DGKI: variants seen among roughly 807,000 people sequenced by gnomAD.
DGKI encodes the protein diacylglycerol kinase iota.
Under a neutral mutation model 147.5 loss-of-function variants are expected in DGKI, and 55 were observed. That is an observed-to-expected ratio of 0.37 (90% confidence interval 0.30 to 0.47). DGKI has a LOEUF of 0.47. DGKI is among the 20% of genes least tolerant of loss of function. The pLI is 1.00. For synonymous variants in DGKI, 469 were observed against 477.1 expected, an observed-to-expected ratio of 0.98 and a Z score of 0.22; for missense variants, 1,007 against 1,323.8, an observed-to-expected ratio of 0.76 and a Z score of 3.71.
intron 28 of DGKI, among the ~76,000 whole-genome samples, chr7:137,429,268 T>A (rs1812960489): frequency 6.6e-6 from 1 of 151,218 alleles, no homozygotes; most frequent in Non-Finnish European, 1.5e-5. Flanking sequence ...AACTATCTGA[T>A]CTTTGACAAA....
intron 6 of DGKI, among the ~76,000 whole-genome samples, chr7:137,640,226 T>A (rs1162469703): frequency 2.0e-5 from 3 of 151,992 alleles, no homozygotes; most frequent in African/African-American, 4.8e-5. Context: ...TGAAGTGAAA[T>A]AAGACACAGA....
At chr7:137,569,917 T>C (rs938414422) in intron 19 of DGKI, among the ~76,000 whole-genome samples, 6 of 152,004 alleles carry the variant, frequency 3.9e-5, no homozygotes, top group African/African-American at 1.4e-4. Flanking sequence ...CCCAGTCCAA[T>C]CTTTTCTACC....
chr7:137,818,450 G>A (rs1046460765), intron 1 of DGKI, among the ~76,000 whole-genome samples: 17 of 152,118 alleles, frequency 1.1e-4, no homozygotes, highest in Non-Finnish European at 1.6e-4. Context: ...TTCTTGAGAC[G>A]GAGTTTTGCT....
chr7:137,723,413 A>G (rs577288160), intron 1 of DGKI, among the ~76,000 whole-genome samples: 10 of 152,366 alleles, frequency 6.6e-5, no homozygotes, highest in Non-Finnish European at 1.5e-4. Flanking sequence ...ATAAAAAGCC[A>G]CGCAAATCAA....
chr7:137,778,977 G>A (rs1014813733), intron 1 of DGKI, among the ~76,000 whole-genome samples: 1 of 152,100 alleles, frequency 6.6e-6, no homozygotes, highest in Non-Finnish European at 1.5e-5. Flanking sequence ...ACTCCAGCAG[G>A]TCTTCTGAAA....
chr7:137,731,924 T>C (rs987962361), intron 1 of DGKI, among the ~76,000 whole-genome samples: 7 of 152,078 alleles, frequency 4.6e-5, no homozygotes, highest in African/African-American at 1.7e-4. Context: ...AGTAGGACCA[T>C]GTACCTTTAA....
At chr7:137,641,418 C>T (rs1171096355) in intron 6 of DGKI, among the ~76,000 whole-genome samples, 2 of 152,156 alleles carry the variant, frequency 1.3e-5, no homozygotes, top group East Asian at 1.9e-4. Context: ...TGCTTCAAAA[C>T]CCAAAACCTT....
At chr7:137,808,279 G>A (rs953296905) in intron 1 of DGKI, among the ~76,000 whole-genome samples, 1 of 152,188 alleles carries the variant, frequency 6.6e-6, no homozygotes, top group African/African-American at 2.4e-5. Context: ...ATAAATGAGA[G>A]ACTTATTAAT....
At chr7:137,833,870 G>C (rs1455679476) in intron 1 of DGKI, among the ~76,000 whole-genome samples, 4 of 152,136 alleles carry the variant, frequency 2.6e-5, no homozygotes, top group Non-Finnish European at 4.4e-5. Flanking sequence ...AGAGGACAGA[G>C]GTCATTCCTA....
intron 3 of DGKI, among the ~76,000 whole-genome samples, chr7:137,669,180 A>G (rs1047070347): frequency 5.3e-5 from 8 of 152,292 alleles, no homozygotes; most frequent in Non-Finnish European, 1.2e-4. Flanking sequence ...CCTTAAATGA[A>G]GGCATCAATG....
Position 137,558,189 on chromosome 7 carries a change from C to T in DGKI, c.1948-5621G>A, listed in dbSNP as rs139391029. ...AGTTTTTGACACAACATTTTACAAGCTATTTTACTGTCAGGAACATCTATC... is the reference window on the plus strand; with the variant it reads ...AGTTTTTGACACAACATTTTACAAGTTATTTTACTGTCAGGAACATCTATC... On this transcript the variant is annotated intron_variant, in intron 19 of 32. Transcript: ENST00000614521. Among the ~76,000 whole-genome samples the T allele has an allele frequency of 6.3e-3, 953 of 152,270 alleles. 7 individuals carry two copies. The highest frequency in any genetic ancestry group is 0.022 in the African/African-American group (931 of 41,556).
At chr7:137,576,849 T>A (rs925607242) in intron 17 of DGKI, among the ~76,000 whole-genome samples, 1 of 152,188 alleles carries the variant, frequency 6.6e-6, no homozygotes, top group African/African-American at 2.4e-5. Flanking sequence ...AAGACCCAGC[T>A]AACATCATTT....
intron 19 of DGKI, among the ~76,000 whole-genome samples, chr7:137,567,424 T>C (rs1407187519): frequency 6.6e-6 from 1 of 152,070 alleles, no homozygotes; most frequent in African/African-American, 2.4e-5. Context: ...GCTTACAAAG[T>C]AGATTTGGGG....
intron 17 of DGKI, among the ~76,000 whole-genome samples, chr7:137,576,531 TTAA>T (rs1818983329): frequency 6.6e-6 from 1 of 152,166 alleles, no homozygotes. Flanking sequence ...TAAGGAAACA[TTAA>T]TGTTTTTCTT....
At chr7:137,816,001 A>G (rs746221463) in intron 1 of DGKI, among the ~76,000 whole-genome samples, 21 of 152,312 alleles carry the variant, frequency 1.4e-4, no homozygotes, top group South Asian at 6.2e-4. Context: ...TTCCCATTAC[A>G]AATTCCACAC....
At chr7:137,758,921 A>C (rs925279914) in intron 1 of DGKI, among the ~76,000 whole-genome samples, 1 of 152,154 alleles carries the variant, frequency 6.6e-6, no homozygotes, top group South Asian at 2.1e-4. Context: ...AGGAACAACT[A>C]TATTCACAGA....
chr7:137,433,191 T>C (rs769168853), intron 28 of DGKI, among the ~76,000 whole-genome samples: 2 of 152,212 alleles, frequency 1.3e-5, no homozygotes, highest in Non-Finnish European at 2.9e-5. Flanking sequence ...TAAGCAGCTA[T>C]AATTGACAGG....
intron 1 of DGKI, chr7:137,843,490 G>A (rs1798611355): frequency 1.1e-6 from 1 of 937,324 alleles, no homozygotes; most frequent in Non-Finnish European, 1.3e-6. Flanking sequence ...ATTCTCATGG[G>A]AAAAATGGTT....
At chr7:137,422,671 C>T (rs1812625225) in intron 28 of DGKI, among the ~76,000 whole-genome samples, 1 of 124,490 alleles carries the variant, frequency 8.0e-6, no homozygotes, top group African/African-American at 2.9e-5. Flanking sequence ...GTGGCGCCAT[C>T]TCAGCTCACT....
Sources: gnomAD v4.1 joint callset for allele counts (sites outside exome capture counted in the v4.1 genomes callset) on GRCh38, gnomAD v4.1.1 for gene constraint, MANE v1.5 for transcripts, NCBI Gene and HGNC (gene_info 2026-07-23, HGNC 2026-07-21) for gene names.